The following MYRIP variants were observed in gnomAD, a reference collection of about 807,000 sequenced individuals.
MYRIP encodes the protein myosin VIIA and Rab interacting protein.
In MYRIP, 49 loss-of-function variants were observed where a neutral mutation model predicts 98.0. The observed-to-expected ratio is 0.50, with a 90% confidence interval of 0.40 to 0.63. The LOEUF (loss-of-function observed/expected upper bound fraction) is 0.63. Among genes scored for constraint, MYRIP ranks in the 30% least tolerant of loss-of-function variants. MYRIP has a pLI of 0.00. For missense variants in MYRIP, 1,004 were observed against 1,058.2 expected, an observed-to-expected ratio of 0.95 and a Z score of 0.71; for synonymous variants, 404 against 409.5, an observed-to-expected ratio of 0.99 and a Z score of 0.16.
At chr3:39,914,487 A>T (rs2125683824) in intron 2 of MYRIP, among the ~76,000 whole-genome samples, 1 of 152,242 alleles carries the variant, frequency 6.6e-6, no homozygotes, top group African/African-American at 2.4e-5. Context: ...CAGACAAAAC[A>T]CTAGCCAATA....
intron 1 of MYRIP, among the ~76,000 whole-genome samples, chr3:39,865,684 T>C (rs1226696960): frequency 6.6e-6 from 1 of 152,142 alleles, no homozygotes; most frequent in Non-Finnish European, 1.5e-5. Context: ...TAAATGCTGG[T>C]CAGGTTGCAG....
intron 16 of MYRIP, among the ~76,000 whole-genome samples, chr3:40,252,563 A>G (rs1228808696): frequency 6.6e-6 from 1 of 152,226 alleles, no homozygotes; most frequent in Non-Finnish European, 1.5e-5. Flanking sequence ...AAGCAAAGAC[A>G]AGCCCTTATA....
rs976746235 is a variant in MYRIP at position 40,258,363 on chromosome 3, A to G, written c.*197A>G. 3 of 554,290 alleles carry G rather than the reference A, an allele frequency of 5.4e-6. No individual in the cohort carries two copies. Among genetic ancestry groups the G allele is most frequent in the Admixed American group, 2.8e-5 (1 of 35,090 alleles). 34.3% of individuals were successfully genotyped at this position (554,290 alleles called of 1,614,324 possible). A position where few individuals can be genotyped will look rare whatever the true frequency, so the allele number is the denominator to read the frequency against. On this transcript the variant is annotated 3_prime_UTR_variant, in exon 17 of 17. Coordinates refer to ENST00000302541, the MANE Select transcript of MYRIP (RefSeq NM_015460.4). ...AGACTTCAGCACTGCGGTCTTGCCC[A>G]CTCTCTGCCTTAGGCTCCCAGGGGA... is the stretch of plus-strand genomic sequence containing the variant.
chr3:39,878,493 G>C (rs527475059), intron 1 of MYRIP, among the ~76,000 whole-genome samples: 39 of 152,126 alleles, frequency 2.6e-4, no homozygotes, highest in African/African-American at 8.9e-4. Flanking sequence ...TCTTAGGTCT[G>C]ATTTTTCAAC....
chr3:39,833,378 A>G (rs9853531), intron 1 of MYRIP, among the ~76,000 whole-genome samples: 37,771 of 152,096 alleles, frequency 0.25, 4,821 homozygotes, highest in South Asian at 0.32. Context: ...GAGAGCTATT[A>G]TAGGCTCTTT....
At chr3:39,909,075 G>T (rs560183148) in intron 2 of MYRIP, among the ~76,000 whole-genome samples, 2 of 152,316 alleles carry the variant, frequency 1.3e-5, no homozygotes, top group Non-Finnish European at 2.9e-5. Flanking sequence ...AGAGTTGAGA[G>T]CAGGTGCATT....
At chr3:39,878,468 G>A (rs1258790999) in intron 1 of MYRIP, among the ~76,000 whole-genome samples, 1 of 152,114 alleles carries the variant, frequency 6.6e-6, no homozygotes, top group Non-Finnish European at 1.5e-5. Context: ...GACCAGAGCT[G>A]TTCCTATTCG....
At chr3:40,131,893 G>A (rs1949651978) in intron 3 of MYRIP, among the ~76,000 whole-genome samples, 1 of 150,880 alleles carries the variant, frequency 6.6e-6, no homozygotes, top group African/African-American at 2.4e-5. Context: ...TTTTTTCAAT[G>A]AGAGCTTCTC....
intron 4 of MYRIP, among the ~76,000 whole-genome samples, chr3:40,154,531 C>A (rs915397815): frequency 6.6e-6 from 1 of 152,150 alleles, no homozygotes; most frequent in Non-Finnish European, 1.5e-5. Flanking sequence ...CTAATAGACC[C>A]AGCATGACTT....
Position 40,250,247 on chromosome 3 carries a change from C to T in MYRIP, c.2288C>T (p.Ser763Leu), listed in dbSNP as rs770988659. ...LQISDIESRI[S>L]ALTIAGLNIA... The stretch of plus-strand genomic sequence containing the variant: ...ATTTCAGATATTGAGAGCCGGATTT[C>T]AGCCCTGACCATTGCAGGATTAAAC... The change falls in exon 14 of 17, where the codon TCA (serine) becomes TTA (leucine). Residue 763 changes from serine to leucine, a missense_variant. Physicochemically the swap from Ser to Leu is moderately radical, Grantham distance 145 (BLOSUM62 -2). Coordinates refer to ENST00000302541, the MANE Select transcript of MYRIP (RefSeq NM_015460.4). The T allele has an allele frequency of 3.1e-6, 5 of 1,613,920 alleles. No individual in the cohort carries two copies. In the South Asian group the frequency reaches 5.5e-5, roughly 18 times the overall value.
At chr3:40,221,020 A>G (rs1328823421) in intron 11 of MYRIP, among the ~76,000 whole-genome samples, 1 of 144,450 alleles carries the variant, frequency 6.9e-6, no homozygotes, top group Non-Finnish European at 1.5e-5. Context: ...ATATAGGGTA[A>G]TGTACAAAGC....
At chr3:40,199,262 G>C (rs983248463) in intron 10 of MYRIP, among the ~76,000 whole-genome samples, 1 of 152,168 alleles carries the variant, frequency 6.6e-6, no homozygotes, top group East Asian at 1.9e-4. Flanking sequence ...TTCACACTCT[G>C]GGGGTTGCTT....
chr3:40,114,589 C>A (rs1011879074), intron 3 of MYRIP, among the ~76,000 whole-genome samples: 1 of 152,186 alleles, frequency 6.6e-6, no homozygotes, highest in African/African-American at 2.4e-5. Context: ...TTTCACAAAT[C>A]AATGGCAACA....
At chr3:40,214,996 G>A (rs1159866384) in intron 11 of MYRIP, among the ~76,000 whole-genome samples, 1 of 152,104 alleles carries the variant, frequency 6.6e-6, no homozygotes, top group East Asian at 1.9e-4. Context: ...GTAGATATGC[G>A]ATAGAATACA....
At chr3:39,824,142 G>A (rs60099383) in intron 1 of MYRIP, among the ~76,000 whole-genome samples, 2,392 of 152,198 alleles carry the variant, frequency 0.016, 59 homozygotes, top group African/African-American at 0.055. Flanking sequence ...TGGTGCCTTT[G>A]TCAAAAATCA....
At chr3:40,231,215 G>A (rs901245890) in intron 11 of MYRIP, among the ~76,000 whole-genome samples, 2 of 152,212 alleles carry the variant, frequency 1.3e-5, no homozygotes, top group African/African-American at 4.8e-5. Context: ...GTGAAGCTGT[G>A]GCGCTCTCCT....
chr3:40,212,380 C>G (rs999418279), intron 11 of MYRIP, among the ~76,000 whole-genome samples: 2 of 150,606 alleles, frequency 1.3e-5, no homozygotes, highest in Non-Finnish European at 3.0e-5. Flanking sequence ...GCAGGTACTA[C>G]TGTAGTTAAA....
intron 2 of MYRIP, among the ~76,000 whole-genome samples, chr3:40,038,512 C>T (rs1947433824): frequency 6.6e-6 from 1 of 151,956 alleles, no homozygotes; most frequent in Admixed American, 6.6e-5. Flanking sequence ...TCTGAACTTA[C>T]TGAACAAGGG....
At chr3:39,835,479 A>C (rs1363901125) in intron 1 of MYRIP, among the ~76,000 whole-genome samples, 1 of 152,202 alleles carries the variant, frequency 6.6e-6, no homozygotes, top group Non-Finnish European at 1.5e-5. Context: ...CAAATATTTT[A>C]TTAACTATTT....
Sources: gnomAD v4.1 joint callset for allele counts (sites outside exome capture counted in the v4.1 genomes callset) on GRCh38, gnomAD v4.1.1 for gene constraint, MANE v1.5 for transcripts, NCBI Gene and HGNC (gene_info 2026-07-23, HGNC 2026-07-21) for gene names.